The following TRIOBP variants were observed in gnomAD, a reference collection of about 807,000 sequenced individuals.
The protein encoded by TRIOBP is TRIO and F-actin binding protein.
Under a neutral mutation model 238.8 loss-of-function variants are expected in TRIOBP, and 169 were observed. The observed-to-expected ratio is 0.71, with a 90% CI of 0.62 to 0.80. TRIOBP has a LOEUF of 0.80. Among genes scored for constraint, TRIOBP ranks in the 30% least tolerant of loss-of-function variants. The pLI is 0.00. For synonymous variants in TRIOBP, 1,150 were observed against 1,274.4 expected, an observed-to-expected ratio of 0.90 and a Z score of 2.08; for missense variants, 2,838 against 3,122.6, an observed-to-expected ratio of 0.91 and a Z score of 2.17.
Position 37,726,368 on chromosome 22 carries a change from C to T in TRIOBP, c.3812C>T (p.Thr1271Ile). The change falls in exon 7 of 24, where the codon ACT (threonine) becomes ATT (isoleucine). Residue 1271 changes from threonine (T) to isoleucine (I), a missense_variant. This residue lies in a region of TRIOBP where 2,096 missense variants were observed against 2,137.4 expected (regional missense o/e 0.98). Coordinates refer to ENST00000644935, the MANE Select transcript of TRIOBP (RefSeq NM_001039141.3). The stretch of plus-strand genomic sequence containing the variant: ...CACAACTTGGAGCGGGAGGAGTACA[C>T]TGTGCTGGCCGACCTGCCCCCACCC... ...TRHNLEREEY[T>I]VLADLPPPRR... 2 of 1,596,586 alleles carry T rather than the reference C, an allele frequency of 1.3e-6. No individual in the cohort carries two copies. Among genetic ancestry groups the T allele is most frequent in the South Asian group, 2.2e-5 (2 of 89,340 alleles).
chr22:37,713,257 C>T lies in TRIOBP; in HGVS notation c.302C>T (p.Ala101Val). ...CTCCCAGAAGAGGGTCCCACAGCTG[C>T]CCCCAGGAGCAGGAGCCGGGAGCTT... The part of the protein sequence containing the change: ...AGLPEEGPTA[A>V]PRSRSRELEA... The change falls in exon 5 of 24, where the codon GCC (alanine) becomes GTC (valine). Residue 101 changes from alanine (A) to valine (V), a missense_variant. Around this residue, in one of 5 missense-constraint regions of TRIOBP, gnomAD observed 535 missense variants for 537.3 expected, o/e 1.00. Transcript: ENST00000644935. 6.2e-7 allele frequency: 1 copy of T among 1,613,802 alleles called. No individual in the cohort carries two copies. The highest frequency in any genetic ancestry group is 1.3e-5 in the African/African-American group (1 of 75,022).
chr22:37,707,127 T>A lies in TRIOBP; in HGVS notation c.115-3300T>A, dbSNP rs374660577. ...TACTAAAAATACAAAAATACAAAAA[T>A]TAACAGGGTGTGGTGGCGGATGCCT... is the stretch of plus-strand genomic sequence containing the variant. On this transcript the variant is annotated intron_variant, in intron 3 of 23. Coordinates refer to ENST00000644935, the MANE Select transcript of TRIOBP (RefSeq NM_001039141.3). Among the ~76,000 whole-genome samples the A allele has an allele frequency of 1.6e-4, 24 of 151,972 alleles. No individual in the cohort carries two copies. In the East Asian group the frequency reaches 1.9e-3, roughly 12 times the overall value.
chr22:37,772,827 C>A, intron 23 of TRIOBP, 63 bp downstream of exon 23: 1 of 1,578,874 alleles, frequency 6.3e-7, no homozygotes, highest in Non-Finnish European at 8.6e-7. Context: ...ACACCCGGGA[C>A]TCCCTGGACC....
Position 37,723,793 on chromosome 22 carries a change from A to G in TRIOBP, c.1237A>G (p.Lys413Glu). 3.5e-6 allele frequency: 5 copies of G among 1,418,928 alleles called. No homozygotes were observed. Among genetic ancestry groups the G allele is most frequent in the Non-Finnish European group, 4.9e-6 (5 of 1,010,128 alleles). 87.9% of individuals were successfully genotyped at this position (1,418,928 alleles called of 1,614,324 possible). A position where few individuals can be genotyped will look rare whatever the true frequency, so the allele number is the denominator to read the frequency against. ...RTSCAQRDNP[K>E]ASRTSSPNRA... The stretch of plus-strand genomic sequence containing the variant: ...ATCCTGTGCCCAGCGGGACAATCCC[A>G]AAGCCTCCAGAACCTCCTCTCCCAA... Residue 413 changes from lysine (K) to glutamate (E), a missense_variant, in exon 7 of 24, where the codon AAA becomes GAA. Around this residue, in one of 5 missense-constraint regions of TRIOBP, gnomAD observed 535 missense variants for 537.3 expected, o/e 1.00. Coordinates refer to ENST00000644935, the MANE Select transcript of TRIOBP (RefSeq NM_001039141.3).
intron 19 of TRIOBP, 121 bp downstream of exon 19, chr22:37,768,297 A>C: frequency 1.2e-6 from 1 of 825,030 alleles, no homozygotes; most frequent in Admixed American, 2.0e-5. Context: ...CTCCAGTCTC[A>C]TGGATGCAAG....
At chr22:37,699,362 C>T (rs1388525420) in intron 2 of TRIOBP, among the ~76,000 whole-genome samples, 1 of 152,068 alleles carries the variant, frequency 6.6e-6, no homozygotes. Flanking sequence ...CTCACTTCCA[C>T]CTCCGAGAGA....
chr22:37,767,861 G>T (rs531072735), intron 18 of TRIOBP, among the ~76,000 whole-genome samples: 1 of 152,228 alleles, frequency 6.6e-6, no homozygotes, highest in South Asian at 2.1e-4. Flanking sequence ...CTTACCCCAA[G>T]CCACTCAGTT....
chr22:37,761,646 G>A (rs1926248216), intron 17 of TRIOBP, among the ~76,000 whole-genome samples: 1 of 152,166 alleles, frequency 6.6e-6, no homozygotes, highest in South Asian at 2.1e-4. Flanking sequence ...TTTGGGACTG[G>A]ATGACCAGAT....
At chr22:37,764,468 C>T (rs969267825) in intron 17 of TRIOBP, among the ~76,000 whole-genome samples, 7 of 152,204 alleles carry the variant, frequency 4.6e-5, no homozygotes, top group African/African-American at 1.7e-4. Flanking sequence ...TTGTCAAGCT[C>T]GATCCCATCA....
intron 20 of TRIOBP, 29 bp from the exon 21 acceptor site, chr22:37,769,233 C>A: frequency 6.2e-7 from 1 of 1,605,298 alleles, no homozygotes; most frequent in Non-Finnish European, 8.5e-7. Context: ...GTCCCGGCAC[C>A]CCTCCCCTGA....
At chr22:37,758,400 C>T (rs1036158213) in intron 16 of TRIOBP, among the ~76,000 whole-genome samples, 2 of 152,190 alleles carry the variant, frequency 1.3e-5, no homozygotes, top group Non-Finnish European at 2.9e-5. Flanking sequence ...AGGGAGAGAC[C>T]TGCCAGGCTC....
At chr22:37,721,888 A>G (rs1030782716) in intron 6 of TRIOBP, among the ~76,000 whole-genome samples, 21 of 152,254 alleles carry the variant, frequency 1.4e-4, no homozygotes, top group Admixed American at 1.0e-3. Context: ...TGACCGAGGG[A>G]TTGAGCGGGG....
intron 19 of TRIOBP, 92 bp downstream of exon 19, chr22:37,768,268 C>T: frequency 6.5e-6 from 7 of 1,082,802 alleles, no homozygotes; most frequent in Non-Finnish European, 6.9e-6. Flanking sequence ...CATCAGTTTG[C>T]CCCTAGCTGA....
chr22:37,764,924 A>G (rs1926408989), intron 17 of TRIOBP, among the ~76,000 whole-genome samples: 1 of 152,188 alleles, frequency 6.6e-6, no homozygotes, highest in African/African-American at 2.4e-5. Flanking sequence ...CCAGAGACAG[A>G]GCTAGGAGAG....
At chr22:37,707,898 C>T (rs1472369944) in intron 3 of TRIOBP, among the ~76,000 whole-genome samples, 14 of 143,090 alleles carry the variant, frequency 9.8e-5, no homozygotes, top group Non-Finnish European at 1.4e-4. Context: ...GCTGAGATCG[C>T]GCCATTGCAC....
At chr22:37,731,106 T>G (rs972026292) in intron 7 of TRIOBP, among the ~76,000 whole-genome samples, 1 of 152,054 alleles carries the variant, frequency 6.6e-6, no homozygotes, top group Non-Finnish European at 1.5e-5. Flanking sequence ...CTAATGACAT[T>G]GGCAAAAGAC....
intron 18 of TRIOBP, among the ~76,000 whole-genome samples, 186 bp from the exon 19 acceptor site, chr22:37,767,888 C>T (rs1375464767): frequency 1.3e-5 from 2 of 152,152 alleles, no homozygotes; most frequent in African/African-American, 4.8e-5. Flanking sequence ...ACAACCTGGG[C>T]TACTCTAGAC....
At chr22:37,719,552 C>T (rs894119676) in intron 6 of TRIOBP, among the ~76,000 whole-genome samples, 1 of 152,102 alleles carries the variant, frequency 6.6e-6, no homozygotes, top group African/African-American at 2.4e-5. Flanking sequence ...ACTTACTGCC[C>T]ACAAGTCAAT....
At chr22:37,766,570 A>G (rs1926504671) in intron 18 of TRIOBP, among the ~76,000 whole-genome samples, 1 of 152,220 alleles carries the variant, frequency 6.6e-6, no homozygotes, top group South Asian at 2.1e-4. Flanking sequence ...TCTGGCACTA[A>G]GGTTTCTGCT....
Sources: gnomAD v4.1 joint callset for allele counts (sites outside exome capture counted in the v4.1 genomes callset) on GRCh38, gnomAD v4.1.1 for gene constraint, gnomAD v4.1.1 regional missense constraint, MANE v1.5 for transcripts, NCBI Gene and HGNC (gene_info 2026-07-23, HGNC 2026-07-21) for gene names.